Variants in CNTN4 observed in about 807,000 individuals in gnomAD.
The protein encoded by CNTN4 is contactin 4, also known as contactin-4.
In CNTN4, 77 loss-of-function variants were observed where a neutral mutation model predicts 122.5. The ratio of observed to expected loss-of-function variants is 0.63; its 90% CI spans 0.52 to 0.76. CNTN4 has a LOEUF of 0.76. Ranked by LOEUF, CNTN4 falls within the 30% of genes least tolerant of loss-of-function variation. CNTN4 has a pLI of 0.00. For missense variants in CNTN4, 1,256 were observed against 1,259.1 expected, an observed-to-expected ratio of 1.00 and a Z score of 0.04; for synonymous variants, 512 against 447.0, an observed-to-expected ratio of 1.15 and a Z score of -1.83.
chr3:2,220,829 A>G (rs1232983623), intron 2 of CNTN4, among the ~76,000 whole-genome samples: 1 of 152,094 alleles, frequency 6.6e-6, no homozygotes, highest in Admixed American at 6.5e-5. Context: ...TTTACTCAGG[A>G]TACATCTTAG....
intron 3 of CNTN4, among the ~76,000 whole-genome samples, chr3:2,498,948 C>T (rs151022560): frequency 0.11 from 17,003 of 152,112 alleles, 1,179 homozygotes; most frequent in Middle Eastern, 0.16. Context: ...CACCACCACA[C>T]CAGGCTAATT....
intron 13 of CNTN4, among the ~76,000 whole-genome samples, chr3:2,966,251 C>T (rs1692298925): frequency 6.6e-6 from 1 of 151,896 alleles, no homozygotes; most frequent in Non-Finnish European, 1.5e-5. Flanking sequence ...TTTTTTTTTA[C>T]AGTTGATAGC....
At chr3:2,626,878 T>C (rs2082210520) in intron 4 of CNTN4, among the ~76,000 whole-genome samples, 1 of 152,218 alleles carries the variant, frequency 6.6e-6, no homozygotes, top group African/African-American at 2.4e-5. Context: ...TGGATAGCCA[T>C]TCTCACATTT....
intron 4 of CNTN4, chr3:2,735,880 G>A (rs2089048310): frequency 4.3e-6 from 2 of 465,376 alleles, no homozygotes; most frequent in Non-Finnish European, 8.5e-6. Context: ...AGCACAAAAG[G>A]GATACGGGAA....
intron 2 of CNTN4, among the ~76,000 whole-genome samples, chr3:2,254,731 G>A (rs1025229335): frequency 2.6e-5 from 4 of 152,020 alleles, no homozygotes; most frequent in African/African-American, 9.7e-5. Flanking sequence ...ACTTTTTGAT[G>A]GGGTTGTTTT....
chr3:2,652,235 C>A (rs1306685517), intron 4 of CNTN4, among the ~76,000 whole-genome samples: 1 of 152,044 alleles, frequency 6.6e-6, no homozygotes, highest in African/African-American at 2.4e-5. Context: ...AACAGACAAA[C>A]ACAATAACAC....
chr3:2,750,084 T>G (rs2090016928), intron 6 of CNTN4, among the ~76,000 whole-genome samples: 1 of 152,336 alleles, frequency 6.6e-6, no homozygotes, highest in South Asian at 2.1e-4. Context: ...GGCCTGTATC[T>G]TTTTAAAAAT....
chr3:2,251,812 T>TTGGTGTAG (rs2040390251), intron 2 of CNTN4, among the ~76,000 whole-genome samples: 1 of 151,862 alleles, frequency 6.6e-6, no homozygotes, highest in African/African-American at 2.4e-5. Flanking sequence ...GAAAATAATG[T>TTGGTGTAG]TGGTGTAGTT....
intron 3 of CNTN4, among the ~76,000 whole-genome samples, chr3:2,345,277 C>T (rs774605757): frequency 8.6e-5 from 13 of 151,952 alleles, no homozygotes; most frequent in Admixed American, 3.3e-4. Context: ...CCCTTTCAGA[C>T]ACATTTTAGA....
chr3:2,942,114 A>G (rs2094622102), intron 13 of CNTN4, among the ~76,000 whole-genome samples: 1 of 152,204 alleles, frequency 6.6e-6, no homozygotes, highest in African/African-American at 2.4e-5. Context: ...TTTATCCAGC[A>G]CTAGCCCTGG....
At chr3:2,736,740 G>C (rs967916259) in intron 5 of CNTN4, among the ~76,000 whole-genome samples, 1 of 151,720 alleles carries the variant, frequency 6.6e-6, no homozygotes. Flanking sequence ...TGGGATTACA[G>C]GCGTGAGCCA....
At chr3:2,377,317 A>G (rs530791530) in intron 3 of CNTN4, among the ~76,000 whole-genome samples, 1 of 152,292 alleles carries the variant, frequency 6.6e-6, no homozygotes, top group Admixed American at 6.5e-5. Context: ...TCTCTTTAAT[A>G]TGAGTGCTAT....
At chr3:2,638,873 C>T (rs1031929162) in intron 4 of CNTN4, among the ~76,000 whole-genome samples, 1 of 152,148 alleles carries the variant, frequency 6.6e-6, no homozygotes, top group Non-Finnish European at 1.5e-5. Context: ...TGTGGCTTTA[C>T]CTTTAACATA....
intron 7 of CNTN4, among the ~76,000 whole-genome samples, chr3:2,832,949 A>T (rs1038540072): frequency 2.0e-5 from 3 of 151,164 alleles, no homozygotes; most frequent in Non-Finnish European, 4.4e-5. Flanking sequence ...TATCTACACT[A>T]TGTAAATGAA....
intron 2 of CNTN4, among the ~76,000 whole-genome samples, chr3:2,192,683 A>C (rs371117362): frequency 6.6e-6 from 1 of 152,218 alleles, no homozygotes; most frequent in East Asian, 1.9e-4. Flanking sequence ...ACTTCTTGTG[A>C]GAGCAGTTGG....
intron 2 of CNTN4, among the ~76,000 whole-genome samples, chr3:2,264,197 T>A (rs1001660519): frequency 2.0e-5 from 3 of 152,176 alleles, no homozygotes; most frequent in Non-Finnish European, 4.4e-5. Flanking sequence ...CCTTACTTTT[T>A]TCCATACTGG....
In CNTN4 at chr3:2,452,702, G is replaced by A. The variant is rs528081804; in HGVS notation, c.-89+113469G>A. ...CGGAATCAATCACTTCTGTTTATGA[G>A]TTGGAAAAAGACAGGGACCAGAGCA... On this transcript the variant is annotated intron_variant, in intron 3 of 24. Coordinates refer to ENST00000418658, the MANE Select transcript of CNTN4 (RefSeq NM_175607.3). Among the ~76,000 whole-genome samples the A allele has an allele frequency of 5.5e-4, 84 of 152,218 alleles. No individual in the cohort carries two copies. The Middle Eastern group carries it at 0.014, about 25-fold the overall frequency.
At chr3:2,865,865 A>G (rs2093718394) in intron 7 of CNTN4, among the ~76,000 whole-genome samples, 1 of 152,216 alleles carries the variant, frequency 6.6e-6, no homozygotes, top group Non-Finnish European at 1.5e-5. Flanking sequence ...AGAACTTTCA[A>G]AGGAACATTT....
At chr3:2,435,499 G>A (rs536873688) in intron 3 of CNTN4, among the ~76,000 whole-genome samples, 35 of 152,248 alleles carry the variant, frequency 2.3e-4, no homozygotes, top group South Asian at 1.7e-3. Flanking sequence ...TTGATCTGCA[G>A]TTGGTTATTA....
Sources: allele counts gnomAD v4.1 joint callset (sites outside exome capture counted in the v4.1 genomes callset), GRCh38; gene constraint gnomAD v4.1.1; transcripts MANE v1.5; gene names NCBI Gene and HGNC (gene_info 2026-07-23, HGNC 2026-07-21).